ITGA4: variants seen among roughly 807,000 people sequenced by gnomAD.
The protein encoded by ITGA4 is integrin subunit alpha 4, also known as integrin alpha-4.
In ITGA4, 63 loss-of-function variants were observed where a neutral mutation model predicts 133.6. The observed-to-expected ratio is 0.47, with a 90% CI of 0.38 to 0.58. The LOEUF (loss-of-function observed/expected upper bound fraction) is 0.58. Among genes scored for constraint, ITGA4 ranks in the 20% least tolerant of loss-of-function variants. The probability of loss-of-function intolerance (pLI) is 0.00; values close to 1 mark genes in which losing one functional copy is unlikely to be tolerated. For synonymous variants in ITGA4, 483 were observed against 438.0 expected, an observed-to-expected ratio of 1.10 and a Z score of -1.28; for missense variants, 1,076 against 1,252.7, an observed-to-expected ratio of 0.86 and a Z score of 2.13.
At chr2:181,512,109 C>T (rs1306580287) in intron 17 of ITGA4, among the ~76,000 whole-genome samples, 1 of 152,000 alleles carries the variant, frequency 6.6e-6, no homozygotes, top group Non-Finnish European at 1.5e-5. Flanking sequence ...TGGTTGCTGT[C>T]GTTATTTTAT....
At position 181,523,376 on chromosome 2, in the gene ITGA4, A is replaced by C; in HGVS notation, c.2074-61A>C. On this transcript the variant is annotated intron_variant, in intron 18 of 27. Coordinates refer to ENST00000397033, the MANE Select transcript of ITGA4 (RefSeq NM_000885.6). The surrounding 1 kb of genome is among the most constrained non-coding windows in gnomAD (Gnocchi z 4.2). ...TTCTTTTCAATAACCATCCTTAAACATATGTTACAAACTTTTTATTTCCTT... is the reference window on the plus strand; with the variant it reads ...TTCTTTTCAATAACCATCCTTAAACCTATGTTACAAACTTTTTATTTCCTT... 1 of 955,264 alleles carries C rather than the reference A, an allele frequency of 1.0e-6. No homozygotes were observed. The highest frequency in any genetic ancestry group is 1.7e-6 in the Non-Finnish European group (1 of 586,104). The allele number at this position is 955,264 out of a possible 1,614,324, so 59.2% of individuals were successfully genotyped here.
At position 181,537,054 on chromosome 2, in the gene ITGA4, G is replaced by A. The variant is rs1169759385; in HGVS notation, c.*1527G>A. 2.2e-6 allele frequency: 1 copy of A among 444,712 alleles called. No individual in the cohort carries two copies. Among genetic ancestry groups the A allele is most frequent in the East Asian group, 7.0e-5 (1 of 14,324 alleles). The allele number at this position is 444,712 out of a possible 1,614,324, so 27.5% of individuals were successfully genotyped here. A position where few individuals can be genotyped will look rare whatever the true frequency, so the allele number is the denominator to read the frequency against. ...TGCGAAGGCATTTGAGTAGTGAAAT[G>A]TAAGCACAAAACCTCCTGAACCCAG... On this transcript the variant is annotated 3_prime_UTR_variant, in exon 28 of 28. Transcript: ENST00000397033.
intron 2 of ITGA4, 58 bp downstream of exon 2, chr2:181,458,375 C>T (rs1574370199): frequency 6.3e-7 from 1 of 1,576,546 alleles, no homozygotes; most frequent in African/African-American, 1.3e-5. Context: ...GTGGACCCCA[C>T]CATAGGGCAA....
intron 25 of ITGA4, 93 bp from the exon 26 acceptor site, chr2:181,534,179 T>C (rs1178404755): frequency 6.9e-6 from 5 of 723,952 alleles, no homozygotes; most frequent in East Asian, 5.6e-5. Flanking sequence ...GGAAGGTAAA[T>C]TGTGAAAACC....
At chr2:181,472,618 G>T (rs1270437068) in intron 2 of ITGA4, among the ~76,000 whole-genome samples, 1 of 152,102 alleles carries the variant, frequency 6.6e-6, no homozygotes, top group East Asian at 1.9e-4. Flanking sequence ...ATCTATTTTT[G>T]ACAGTAAACA....
intron 22 of ITGA4, among the ~76,000 whole-genome samples, chr2:181,528,213 G>T (rs1686872809): frequency 6.6e-6 from 1 of 152,128 alleles, no homozygotes; most frequent in East Asian, 1.9e-4. Flanking sequence ...CAAATCTGTG[G>T]AAAAAGAATG....
chr2:181,467,677 A>G (rs1211344573), intron 2 of ITGA4, among the ~76,000 whole-genome samples: 1 of 152,144 alleles, frequency 6.6e-6, no homozygotes. Flanking sequence ...GCTATATTTT[A>G]TATATTTTCA....
At chr2:181,496,414 G>A (rs1686160342) in intron 14 of ITGA4, among the ~76,000 whole-genome samples, 1 of 152,030 alleles carries the variant, frequency 6.6e-6, no homozygotes, top group African/African-American at 2.4e-5. Context: ...AATGGAATGA[G>A]ACCCTGTCTC....
intron 2 of ITGA4, among the ~76,000 whole-genome samples, chr2:181,472,240 G>C (rs1004161670): frequency 2.0e-5 from 3 of 152,154 alleles, no homozygotes; most frequent in African/African-American, 7.2e-5. Flanking sequence ...TTACAAAACA[G>C]TTCAGCTAAG....
intron 10 of ITGA4, among the ~76,000 whole-genome samples, chr2:181,489,882 G>A (rs1051406867): frequency 2.5e-4 from 38 of 152,286 alleles, no homozygotes; most frequent in African/African-American, 8.7e-4. Context: ...CGGACGCCGA[G>A]TTAAAGAAGG....
At chr2:181,484,010 G>T (rs1685861118) in intron 9 of ITGA4, among the ~76,000 whole-genome samples, 1 of 152,110 alleles carries the variant, frequency 6.6e-6, no homozygotes, top group African/African-American at 2.4e-5. Context: ...ATTAATAATT[G>T]ATTCCAGCTT....
Position 181,486,004 on chromosome 2 carries a change from T to A in ITGA4, c.1153+12T>A. The A allele has an allele frequency of 6.4e-7, 1 of 1,571,916 alleles. No individual in the cohort carries two copies. The highest frequency in any genetic ancestry group is 8.6e-7 in the Non-Finnish European group (1 of 1,165,630). On this transcript the variant is annotated intron_variant, in intron 10 of 27. Transcript: ENST00000397033. ...TGATGGCTTTGAAGGTAATTAAAAT[T>A]ATCAAATTGGTACTTGATTTCTGCT...
intron 1 of ITGA4, 110 bp from the exon 2 acceptor site, chr2:181,458,086 A>AG: frequency 2.1e-6 from 3 of 1,437,802 alleles, no homozygotes; most frequent in South Asian, 1.2e-5. Context: ...TGGTGGGCGG[A>AG]GGAGGAGGTG....
chr2:181,509,893 T>C, intron 16 of ITGA4, 86 bp downstream of exon 16: 1 of 972,804 alleles, frequency 1.0e-6, no homozygotes, highest in Non-Finnish European at 1.5e-6. Context: ...AAGTGAACTA[T>C]ATGTCGGAAT....
At position 181,535,455 on chromosome 2, in the gene ITGA4, C is replaced by T. The variant is rs1245813228; in HGVS notation, c.3027C>T (p.Tyr1009=). 6.2e-7 allele frequency: 1 copy of T among 1,608,720 alleles called. No homozygotes were observed. The highest frequency in any genetic ancestry group is 8.5e-7 in the Non-Finnish European group (1 of 1,177,254). Residue 1009 remains tyrosine, a synonymous_variant, in exon 28 of 28, where the codon TAC becomes TAT. Coordinates refer to ENST00000397033, the MANE Select transcript of ITGA4 (RefSeq NM_000885.6). ...MWKAGFFKRQ[Y]KSILQEENRR... ...AGGCTGGCTTCTTTAAAAGACAATA[C>T]AAATCTATCCTACAAGAAGAAAACA...
At chr2:181,471,832 G>A (rs1685559573) in intron 2 of ITGA4, among the ~76,000 whole-genome samples, 1 of 152,118 alleles carries the variant, frequency 6.6e-6, no homozygotes, top group Non-Finnish European at 1.5e-5. Context: ...CTTTCTTGTG[G>A]CTTCTGGAGG....
chr2:181,475,803 G>T (rs765447322), intron 4 of ITGA4: 4 of 1,592,144 alleles, frequency 2.5e-6, no homozygotes, highest in Non-Finnish European at 8.5e-7. Flanking sequence ...TTTTCTCATG[G>T]TAACTCTATG....
intron 2 of ITGA4, among the ~76,000 whole-genome samples, chr2:181,471,320 T>C (rs1211427534): frequency 6.6e-6 from 1 of 152,222 alleles, no homozygotes; most frequent in Non-Finnish European, 1.5e-5. Flanking sequence ...GGTGGGATTA[T>C]GACAAAGATA....
At chr2:181,497,892 A>T (rs766736426) in intron 14 of ITGA4, among the ~76,000 whole-genome samples, 10 of 150,804 alleles carry the variant, frequency 6.6e-5, no homozygotes, top group Non-Finnish European at 1.3e-4. Context: ...TTTTTCTTTC[A>T]AATTTGGAGA....
Sources: gnomAD v4.1 joint callset for allele counts (sites outside exome capture counted in the v4.1 genomes callset) on GRCh38, gnomAD v4.1.1 for gene constraint, Gnocchi (gnomAD v3.1) non-coding constraint, MANE v1.5 for transcripts, NCBI Gene and HGNC (gene_info 2026-07-23, HGNC 2026-07-21) for gene names.